The following DRC9 variants were observed in gnomAD, a reference collection of about 807,000 sequenced individuals.
DRC9 encodes dynein regulatory complex protein 9.
the DRC9 span, among the ~76,000 whole-genome samples, chr3:197,921,531 G>C: frequency 6.7e-6 from 1 of 149,976 alleles, no homozygotes; most frequent in Non-Finnish European, 1.5e-5. Context: ...CTGGTTTTCA[G>C]TAACTCCGGG....
chr3:197,892,695 TTC>T, the DRC9 span: 1 of 1,614,180 alleles, frequency 6.2e-7, no homozygotes, highest in Non-Finnish European at 8.5e-7. Context: ...ATTTAGTTCA[TTC>T]TGTTTCATTT....
chr3:197,954,324 T>A, the DRC9 span: 1 of 719,692 alleles, frequency 1.4e-6, no homozygotes, highest in Admixed American at 2.6e-5. Context: ...GGTGTTTGGT[T>A]GTTTGTTTTT....
At chr3:197,928,341 C>CTTTTTTTTTTTTTTT in the DRC9 span, among the ~76,000 whole-genome samples, 1 of 130,638 alleles carries the variant, frequency 7.7e-6, no homozygotes. Context: ...TCTGTTCCCT[C>CTTTTTTTTTTTTTTT]TTTTTTTTTT....
the DRC9 span, chr3:197,945,567 G>C: frequency 4.1e-6 from 5 of 1,229,896 alleles, no homozygotes; most frequent in Non-Finnish European, 5.9e-6. Context: ...AAATTTAACA[G>C]AAGGCATAAT....
chr3:197,944,182 A>G, the DRC9 span: 2 of 797,322 alleles, frequency 2.5e-6, no homozygotes, highest in South Asian at 1.8e-5. Context: ...CTAGATGAAA[A>G]AAAAGGAGGA....
the DRC9 span, among the ~76,000 whole-genome samples, chr3:197,936,946 G>C: frequency 1.3e-5 from 2 of 152,150 alleles, no homozygotes; most frequent in African/African-American, 2.4e-5. Context: ...CTCTTGGTTA[G>C]GGTCGAATAC....
At chr3:197,914,012 C>T in the DRC9 span, 3 of 1,613,934 alleles carry the variant, frequency 1.9e-6, no homozygotes, top group Non-Finnish European at 2.5e-6. Context: ...TGCAGTTGGT[C>T]CTTGAGGTTA....
chr3:197,930,751 A>G, the DRC9 span, among the ~76,000 whole-genome samples: 2 of 150,146 alleles, frequency 1.3e-5, no homozygotes, highest in Admixed American at 6.6e-5. Context: ...AAAAAAAAAA[A>G]AAGAAAGAAA....
chr3:197,900,625 C>A, the DRC9 span, among the ~76,000 whole-genome samples: 9 of 151,100 alleles, frequency 6.0e-5, no homozygotes, highest in Non-Finnish European at 8.8e-5. The surrounding 1 kb of genome is among the most constrained non-coding windows in gnomAD (Gnocchi z 4.7). Flanking sequence ...AGGATACCAG[C>A]TCAGCCACAG....
chr3:197,938,564 T>C, the DRC9 span: 1 of 1,612,300 alleles, frequency 6.2e-7, no homozygotes, highest in Non-Finnish European at 8.5e-7. Context: ...ATCTGAATTT[T>C]CTTCAGTGTC....
At chr3:197,945,093 C>T in the DRC9 span, among the ~76,000 whole-genome samples, 1 of 152,130 alleles carries the variant, frequency 6.6e-6, no homozygotes, top group Non-Finnish European at 1.5e-5. Flanking sequence ...TAGTCTACAC[C>T]ACACCGAGCA....
At chr3:197,913,354 G>A in the DRC9 span, 1 of 203,348 alleles carries the variant, frequency 4.9e-6, no homozygotes. Context: ...GCGTGTGTGC[G>A]TGCGTGCGTG....
chr3:197,953,916 G>A, the DRC9 span: 1 of 1,396,060 alleles, frequency 7.2e-7, no homozygotes, highest in Non-Finnish European at 1.0e-6. Flanking sequence ...GGTAACCAGG[G>A]TTGAGAGCCA....
chr3:197,939,736 T>G, the DRC9 span, among the ~76,000 whole-genome samples: 1 of 151,670 alleles, frequency 6.6e-6, no homozygotes, highest in South Asian at 2.1e-4. Flanking sequence ...TCTAGGAGGC[T>G]CCACTGTCTT....
the DRC9 span, among the ~76,000 whole-genome samples, chr3:197,890,743 C>G: frequency 6.6e-6 from 1 of 152,156 alleles, no homozygotes; most frequent in Non-Finnish European, 1.5e-5. Flanking sequence ...TAAATACTTG[C>G]TACTTACACA....
the DRC9 span, among the ~76,000 whole-genome samples, chr3:197,896,906 A>G: frequency 1.3e-5 from 2 of 152,320 alleles, no homozygotes; most frequent in African/African-American, 4.8e-5. Context: ...AAATCCAGCT[A>G]TGAACTACTT....
the DRC9 span, among the ~76,000 whole-genome samples, chr3:197,916,583 C>T: frequency 3.6e-4 from 54 of 152,058 alleles, no homozygotes; most frequent in African/African-American, 1.3e-3. Context: ...CTGCAGCCAG[C>T]CTCTTTTCTT....
chr3:197,952,312 G>C, the DRC9 span, among the ~76,000 whole-genome samples: 1 of 151,704 alleles, frequency 6.6e-6, no homozygotes, highest in Non-Finnish European at 1.5e-5. Flanking sequence ...TGGGATTACA[G>C]GCGGCCGCCA....
chr3:197,929,241 T>C, the DRC9 span, among the ~76,000 whole-genome samples: 1 of 152,222 alleles, frequency 6.6e-6, no homozygotes, highest in African/African-American at 2.4e-5. The surrounding 1 kb of genome is among the most constrained non-coding windows in gnomAD (Gnocchi z 4.6). Context: ...GAATAACCAC[T>C]GACAATAACC....
Sources: allele counts gnomAD v4.1 joint callset (sites outside exome capture counted in the v4.1 genomes callset), GRCh38; gene constraint gnomAD v4.1.1; non-coding constraint Gnocchi (gnomAD v3.1); transcripts MANE v1.5; gene names NCBI Gene and HGNC (gene_info 2026-07-23, HGNC 2026-07-21).